USP2: variants seen among roughly 807,000 people sequenced by gnomAD.
The protein encoded by USP2 is ubiquitin carboxyl-terminal hydrolase 2.
In USP2, 33 loss-of-function variants were observed where a neutral mutation model predicts 72.0. The observed-to-expected ratio is 0.46, with a 90% CI of 0.35 to 0.61. USP2 has a LOEUF of 0.61. Among genes scored for constraint, USP2 ranks in the 20% least tolerant of loss-of-function variants. The pLI, the probability that USP2 is intolerant of heterozygous loss-of-function variation, is 0.01. For synonymous variants in USP2, 296 were observed against 312.5 expected (o/e 0.95, Z 0.56); for missense variants, 691 against 797.8 (o/e 0.87, Z 1.61).
intron 2 of USP2, among the ~76,000 whole-genome samples, chr11:119,368,038 C>G (rs1950878342): frequency 6.6e-6 from 1 of 152,216 alleles, no homozygotes; most frequent in Admixed American, 6.5e-5. Context: ...TAAGGCAGTA[C>G]CAAGGCTAAC....
At chr11:119,360,088 G>C (rs929409020) in intron 3 of USP2, 96 bp downstream of exon 3, 2 of 1,452,164 alleles carry the variant, frequency 1.4e-6, no homozygotes, top group African/African-American at 2.8e-5. Context: ...AACGGGTAGG[G>C]AGTCAGCCAC....
intron 2 of USP2, among the ~76,000 whole-genome samples, chr11:119,370,585 A>G (rs1297075801): frequency 2.2e-5 from 3 of 136,624 alleles, no homozygotes; most frequent in Non-Finnish European, 3.1e-5. Context: ...AGCAAGACGC[A>G]CTCTGCTCCA....
intron 2 of USP2, among the ~76,000 whole-genome samples, chr11:119,366,783 C>G (rs1950858610): frequency 6.6e-6 from 1 of 152,098 alleles, no homozygotes; most frequent in East Asian, 1.9e-4. Context: ...AGGTGCTCAC[C>G]CACTATAGCA....
chr11:119,365,478 G>A (rs987508754), intron 2 of USP2, among the ~76,000 whole-genome samples: 5 of 152,172 alleles, frequency 3.3e-5, no homozygotes, highest in Admixed American at 6.5e-5. Flanking sequence ...GATCTCTACA[G>A]TCACTGTCCT....
chr11:119,367,747 G>T (rs930909928), intron 2 of USP2, among the ~76,000 whole-genome samples: 18 of 152,204 alleles, frequency 1.2e-4, no homozygotes. Context: ...TTTTGCATGT[G>T]TCTCCGTCTG....
chr11:119,370,130 G>A (rs1484634316), intron 2 of USP2, among the ~76,000 whole-genome samples: 1 of 152,006 alleles, frequency 6.6e-6, no homozygotes, highest in Admixed American at 6.6e-5. Flanking sequence ...AGCCGAGATC[G>A]CACCACTGCA....
intron 11 of USP2, 54 bp from the exon 12 acceptor site, chr11:119,357,361 C>G: frequency 1.2e-6 from 2 of 1,610,932 alleles, no homozygotes; most frequent in African/African-American, 1.3e-5. Context: ...CGACTTCCCC[C>G]CTCCAACCTC....
chr11:119,365,282 T>TCCAGGACACACGTATGGCAGTACC (rs1950836451), intron 2 of USP2, among the ~76,000 whole-genome samples: 1 of 152,104 alleles, frequency 6.6e-6, no homozygotes, highest in Non-Finnish European at 1.5e-5. Context: ...GGGGACTGTG[T>TCCAGGACACACGTATGGCAGTACC]CCAGGACACA....
At chr11:119,357,401 G>C in intron 11 of USP2, 82 bp downstream of exon 11, 2 of 1,607,656 alleles carry the variant, frequency 1.2e-6, no homozygotes, top group Non-Finnish European at 1.7e-6. Context: ...AGCTGGTGCT[G>C]GCAGCTCCCC....
Position 119,373,383 on chromosome 11 carries a change from G to A in USP2, c.98C>T (p.Ser33Phe), listed in dbSNP as rs1469963487. The change falls in exon 2 of 13, where the codon TCC (serine) becomes TTC (phenylalanine). Residue 33 changes from serine (S) to phenylalanine (F), a missense_variant. Physicochemically the swap from Ser to Phe is radical, Grantham distance 155. Transcript: ENST00000260187. ...AKSGYGAYTP[S>F]SYGANLAASL... The stretch of plus-strand genomic sequence containing the variant: ...GGCAGCCAGATTGGCCCCATAGGAG[G>A]ACGGGGTGTAGGCACCATAGCCCGA... 4 of 1,611,110 alleles carry A rather than the reference G, an allele frequency of 2.5e-6. No individual in the cohort carries two copies. Among genetic ancestry groups the A allele is most frequent in the Non-Finnish European group, 3.4e-6 (4 of 1,179,980 alleles).
intron 2 of USP2, among the ~76,000 whole-genome samples, chr11:119,371,883 G>A (rs759502299): frequency 2.6e-5 from 4 of 152,190 alleles, no homozygotes; most frequent in Admixed American, 6.5e-5. Context: ...TGGGAGGCAC[G>A]TGGCAGGGGA....
chr11:119,369,240 A>G (rs948761469), intron 2 of USP2, among the ~76,000 whole-genome samples: 2 of 152,118 alleles, frequency 1.3e-5, no homozygotes, highest in Non-Finnish European at 2.9e-5. Context: ...TGGTGCTTAC[A>G]CAAGCATGGG....
At chr11:119,377,801 C>G (rs1020792836) in intron 1 of USP2, among the ~76,000 whole-genome samples, 1 of 152,184 alleles carries the variant, frequency 6.6e-6, no homozygotes, top group South Asian at 2.1e-4. Flanking sequence ...GGCTCCCTAA[C>G]CTGCCCAGCC....
At position 119,368,796 on chromosome 11, in the gene USP2, AC is replaced by A. The variant is rs112126688; in HGVS notation, c.774+3910del. ...CTGTGCTCTGGAGGGCCCTGGGCCA[AC>A]CCCTGGATCTTCTTGGGGAGAGGAG... is the stretch of plus-strand genomic sequence containing the variant. On this transcript the variant is annotated intron_variant, in intron 2 of 12. Coordinates refer to ENST00000260187, the MANE Select transcript of USP2 (RefSeq NM_004205.5). 6.8e-3 allele frequency among the ~76,000 whole-genome samples: 1,041 copies of A among 152,258 alleles called. 16 individuals are homozygous for A. The highest frequency in any genetic ancestry group is 0.024 in the African/African-American group (983 of 41,550).
chr11:119,369,475 C>T (rs755333639), intron 2 of USP2, among the ~76,000 whole-genome samples: 1 of 152,146 alleles, frequency 6.6e-6, no homozygotes, highest in Non-Finnish European at 1.5e-5. Context: ...TCCTGAGAAT[C>T]CCCTGGGACA....
intron 2 of USP2, chr11:119,364,177 C>A (rs1950814947): frequency 7.6e-6 from 9 of 1,187,902 alleles, no homozygotes; most frequent in Non-Finnish European, 9.4e-6. Context: ...CCGCCAACAG[C>A]CCGGGTCCCG....
Position 119,359,014 on chromosome 11 carries a change from TCTTA to T in USP2, c.1172+6_1172+9del. On this transcript the variant is annotated splice_donor_region_variant and intron_variant, in intron 6 of 12. Transcript: ENST00000260187. ...GTTTTGCTTTCCCACAGCATTCTCC[TCTTA>T]CTTACGGAAGATGATCGAGGTTCTC... 4 of 1,613,832 alleles carry T rather than the reference TCTTA, an allele frequency of 2.5e-6. No homozygotes were observed. The highest frequency in any genetic ancestry group is 2.2e-5 in the South Asian group (2 of 91,076).
At chr11:119,379,602 G>A (rs940583008) in intron 1 of USP2, among the ~76,000 whole-genome samples, 3 of 152,176 alleles carry the variant, frequency 2.0e-5, no homozygotes, top group African/African-American at 7.2e-5. Flanking sequence ...TGGACTTCTA[G>A]GCCTGGGATT....
intron 1 of USP2, among the ~76,000 whole-genome samples, chr11:119,374,638 G>T (rs904069037): frequency 3.3e-5 from 5 of 152,170 alleles, no homozygotes; most frequent in Non-Finnish European, 7.4e-5. Context: ...GGTCAGTTGG[G>T]GACCCCCAGA....
Sources: allele counts gnomAD v4.1 joint callset (sites outside exome capture counted in the v4.1 genomes callset), GRCh38; gene constraint gnomAD v4.1.1; transcripts MANE v1.5; gene names NCBI Gene and HGNC (gene_info 2026-07-23, HGNC 2026-07-21).